Variants in CSNK1G1 observed in about 807,000 individuals in gnomAD.
CSNK1G1 encodes the protein casein kinase 1 gamma 1, also known as casein kinase I isoform gamma-1.
Under a neutral mutation model 59.6 loss-of-function variants are expected in CSNK1G1, and 22 were observed. The observed-to-expected ratio is 0.37, with a 90% confidence interval of 0.26 to 0.53. CSNK1G1 has a LOEUF of 0.53. CSNK1G1 is among the 20% of genes least tolerant of loss of function. The pLI is 0.89. For synonymous variants in CSNK1G1, 179 were observed against 177.1 expected, an observed-to-expected ratio of 1.01 and a Z score of -0.08; for missense variants, 384 against 519.5, an observed-to-expected ratio of 0.74 and a Z score of 2.54.
At chr15:64,332,864 A>T (rs1897188486) in intron 1 of CSNK1G1, among the ~76,000 whole-genome samples, 1 of 152,138 alleles carries the variant, frequency 6.6e-6, no homozygotes, top group African/African-American at 2.4e-5. Context: ...GATAAATGAG[A>T]TTATGTAAAA....
intron 6 of CSNK1G1, among the ~76,000 whole-genome samples, chr15:64,211,349 C>A (rs1005036089): frequency 3.9e-5 from 6 of 152,148 alleles, no homozygotes; most frequent in African/African-American, 1.4e-4. Context: ...AAACTTCTAT[C>A]GTTTGAGGCA....
At position 64,216,416 on chromosome 15, in the gene CSNK1G1, TGCCCCAGCCA is replaced by T; in HGVS notation, c.444+136_444+145del. Reference sequence around the variant, plus strand: ...GTGACTTCTCTGAATTTACCCTTTTTGCCCCAGCCAGCTTCCCAGAATGCCATCAAGCCTG... The same window carrying T: ...GTGACTTCTCTGAATTTACCCTTTTTGCTTCCCAGAATGCCATCAAGCCTG... On this transcript the variant is annotated intron_variant, in intron 5 of 11. Coordinates refer to ENST00000303052, the MANE Select transcript of CSNK1G1 (RefSeq NM_022048.5). This position sits in a 1 kb window ranked among gnomAD's most constrained non-coding sequence, Gnocchi z 4.6. 2.7e-6 allele frequency: 2 copies of T among 743,280 alleles called. No homozygotes were observed. The highest frequency in any genetic ancestry group is 1.8e-5 in the African/African-American group (1 of 56,032). 46.0% of individuals were successfully genotyped at this position (743,280 alleles called of 1,614,324 possible).
chr15:64,204,012 G>A lies in CSNK1G1; in HGVS notation c.999+429C>T, dbSNP rs181863823. 1.4e-4 allele frequency among the ~76,000 whole-genome samples: 21 copies of A among 152,010 alleles called. No individual in the cohort carries two copies. The East Asian group carries it at 3.9e-3, about 28-fold the overall frequency. On this transcript the variant is annotated intron_variant, in intron 9 of 11. Transcript: ENST00000303052. ...ATAAAAATTAGCCGGGCGTGGTGGT[G>A]TGTGCCTACAATCCTAGCTACTTGG...
intron 4 of CSNK1G1, among the ~76,000 whole-genome samples, chr15:64,229,484 G>A (rs2082511424): frequency 6.6e-6 from 1 of 151,988 alleles, no homozygotes; most frequent in African/African-American, 2.4e-5. Flanking sequence ...GACTTTTGTG[G>A]AACTATAGAG....
chr15:64,275,475 C>T (rs1048161419), intron 2 of CSNK1G1, among the ~76,000 whole-genome samples: 12 of 152,186 alleles, frequency 7.9e-5, no homozygotes, highest in Non-Finnish European at 1.2e-4. Flanking sequence ...TATGCAGAAA[C>T]ATTTCCCAAA....
In CSNK1G1 at chr15:64,273,730, T is replaced by TAAAA. The variant is rs780466407; in HGVS notation, c.182-14493_182-14490dup. ...TGAACACTAACAAAAGCTGATGAGC[T>TAAAA]AAAAAAAAAAAAAAAAAAAATCACA... On this transcript the variant is annotated intron_variant, in intron 2 of 11. Transcript: ENST00000303052. Among the ~76,000 whole-genome samples the TAAAA allele has an allele frequency of 8.3e-5, 9 of 108,958 alleles. No homozygotes were observed. The East Asian group carries it at 2.0e-3, about 25-fold the overall frequency. The allele number at this position is 108,958 out of a possible 152,430, so 71.5% of individuals were successfully genotyped here. A position where few individuals can be genotyped will look rare whatever the true frequency, so the allele number is the denominator to read the frequency against.
At chr15:64,307,777 C>T (rs1204083989) in intron 1 of CSNK1G1, among the ~76,000 whole-genome samples, 1 of 152,176 alleles carries the variant, frequency 6.6e-6, no homozygotes, top group Admixed American at 6.5e-5. Flanking sequence ...AGCTCCGTCT[C>T]CCGGGTTCAC....
chr15:64,272,187 T>G (rs868097622), intron 2 of CSNK1G1, among the ~76,000 whole-genome samples: 1 of 152,256 alleles, frequency 6.6e-6, no homozygotes, highest in African/African-American at 2.4e-5. Context: ...TATTGGGTCT[T>G]GCTTTTTATC....
intron 3 of CSNK1G1, 78 bp downstream of exon 3, chr15:64,259,123 C>A: frequency 1.6e-6 from 2 of 1,286,924 alleles, no homozygotes; most frequent in Non-Finnish European, 1.1e-6. Flanking sequence ...CGAATGAATG[C>A]TTAAAACTAT....
intron 2 of CSNK1G1, among the ~76,000 whole-genome samples, chr15:64,265,591 G>T (rs1303797324): frequency 6.6e-6 from 1 of 151,590 alleles, no homozygotes; most frequent in African/African-American, 2.4e-5. Context: ...AAATTAGCCA[G>T]TCTTGGGTAT....
At chr15:64,250,051 G>A (rs1236838396) in intron 4 of CSNK1G1, among the ~76,000 whole-genome samples, 2 of 152,182 alleles carry the variant, frequency 1.3e-5, no homozygotes, top group Non-Finnish European at 2.9e-5. Context: ...GGCTGTGACA[G>A]TCTTTTCCCT....
At chr15:64,345,337 T>C (rs3848148) in intron 1 of CSNK1G1, among the ~76,000 whole-genome samples, 130,560 of 152,158 alleles carry the variant, frequency 0.86, 57,042 homozygotes, top group East Asian at 0.96. Context: ...GCGCTTCCTA[T>C]TCAGTTTTTG....
intron 4 of CSNK1G1, among the ~76,000 whole-genome samples, chr15:64,225,006 CTTTTTTTTT>C (rs750533422): frequency 1.6e-5 from 2 of 121,852 alleles, no homozygotes; most frequent in African/African-American, 3.2e-5. Flanking sequence ...ATACACTTTT[CTTTTTTTTT>C]TTTTTTTTTT....
At chr15:64,217,522 T>C (rs1162773555) in intron 4 of CSNK1G1, among the ~76,000 whole-genome samples, 1 of 152,124 alleles carries the variant, frequency 6.6e-6, no homozygotes, top group African/African-American at 2.4e-5. Context: ...TAGTAGATAT[T>C]AAATAGGATT....
intron 2 of CSNK1G1, among the ~76,000 whole-genome samples, chr15:64,283,932 C>A (rs1047164697): frequency 2.0e-5 from 3 of 151,968 alleles, no homozygotes; most frequent in African/African-American, 7.3e-5. Context: ...TAAGATTCAT[C>A]CTTATGTTTG....
At chr15:64,255,169 C>T (rs1350232449) in intron 3 of CSNK1G1, among the ~76,000 whole-genome samples, 5 of 152,124 alleles carry the variant, frequency 3.3e-5, no homozygotes, top group African/African-American at 1.2e-4. Flanking sequence ...CTCCACCTCC[C>T]GGGTTCAAGC....
At chr15:64,333,289 C>T (rs1313593918) in intron 1 of CSNK1G1, among the ~76,000 whole-genome samples, 4 of 109,010 alleles carry the variant, frequency 3.7e-5, no homozygotes, top group Non-Finnish European at 5.7e-5. Context: ...AAAAGGAATG[C>T]TAAAAGGAGG....
At chr15:64,297,756 A>G (rs978413295) in intron 2 of CSNK1G1, among the ~76,000 whole-genome samples, 8 of 151,898 alleles carry the variant, frequency 5.3e-5, no homozygotes, top group African/African-American at 1.9e-4. Flanking sequence ...CTGTGTGTCT[A>G]GGAAAGGAAA....
chr15:64,173,950 G>T (rs1334337869), intron 11 of CSNK1G1, among the ~76,000 whole-genome samples: 1 of 152,004 alleles, frequency 6.6e-6, no homozygotes, highest in South Asian at 2.1e-4. Flanking sequence ...CTTTAGAAAT[G>T]GACATTTTCC....
Sources: gnomAD v4.1 joint callset for allele counts (sites outside exome capture counted in the v4.1 genomes callset) on GRCh38, gnomAD v4.1.1 for gene constraint, Gnocchi (gnomAD v3.1) non-coding constraint, MANE v1.5 for transcripts, NCBI Gene and HGNC (gene_info 2026-07-23, HGNC 2026-07-21) for gene names.